The following NBPF9 variants were observed in gnomAD, a reference collection of about 807,000 sequenced individuals.
The protein encoded by NBPF9 is NBPF family member NBPF9.
In NBPF9, 91 loss-of-function variants were observed where a neutral mutation model predicts 97.8. That is an observed-to-expected ratio of 0.93 (90% CI 0.79 to 1.11). The LOEUF (loss-of-function observed/expected upper bound fraction) is 1.11, where lower values mean the gene tolerates loss of function less well. Ranked by LOEUF, NBPF9 falls within the 50% of genes least tolerant of loss-of-function variation. NBPF9 has a pLI of 0.00. For missense variants in NBPF9, 992 were observed against 939.5 expected, an observed-to-expected ratio of 1.06 and a Z score of -0.73; for synonymous variants, 334 against 359.5, an observed-to-expected ratio of 0.93 and a Z score of 0.80.
At chr1:149,093,141 G>C (rs879055103) in intron 4 of NBPF9, among the ~76,000 whole-genome samples, 2 of 151,818 alleles carry the variant, frequency 1.3e-5, no homozygotes, top group African/African-American at 4.8e-5. Flanking sequence ...GTAAACACGT[G>C]AACAAATGTC....
At chr1:149,072,919 G>C (rs1553653314) in exon 14 of NBPF9, 1 of 1,607,070 alleles carries the variant, frequency 6.2e-7, no homozygotes, top group Admixed American at 1.7e-5. Flanking sequence ...GCGTGAACCA[G>C]GACTTTATAT....
chr1:149,097,915 C>A (rs3896150), intron 4 of NBPF9, among the ~76,000 whole-genome samples: 11 of 152,088 alleles, frequency 7.2e-5, no homozygotes, highest in Non-Finnish European at 1.6e-4. Flanking sequence ...CTCTTTTAAC[C>A]CATTATACTG....
chr1:149,068,250 C>T lies in NBPF9; in HGVS notation c.1637+1344G>A, dbSNP rs587596802. On this transcript the variant is annotated intron_variant, in intron 17 of 29. Coordinates refer to ENST00000584027, the Ensembl canonical transcript of NBPF9. ...GTGAAATAACCAGCTAACATCATAACGACAGGATCAAATTCACACATAACA... is the reference window on the plus strand; with the variant it reads ...GTGAAATAACCAGCTAACATCATAATGACAGGATCAAATTCACACATAACA... 6.3e-4 allele frequency among the ~76,000 whole-genome samples: 94 copies of T among 149,352 alleles called. 1 individual carries two copies. Among genetic ancestry groups the T allele is most frequent in the African/African-American group, 2.1e-3 (83 of 40,060 alleles).
intron 11 of NBPF9, among the ~76,000 whole-genome samples, chr1:149,076,869 T>A (rs1272023898): frequency 6.6e-6 from 1 of 151,438 alleles, no homozygotes; most frequent in Admixed American, 6.6e-5. Flanking sequence ...CTGACAGAAG[T>A]GAATGAGGGT....
At chr1:149,055,678 A>G in exon 30 of NBPF9, 4 of 1,611,962 alleles carry the variant, frequency 2.5e-6, no homozygotes, top group Non-Finnish European at 3.4e-6. Context: ...TATGACTTCC[A>G]TCTGGAACAC....
At chr1:149,072,960 A>G in intron 13 of NBPF9, 28 bp from the exon 14 acceptor site, 1 of 1,602,300 alleles carries the variant, frequency 6.2e-7, no homozygotes, top group South Asian at 1.1e-5. Flanking sequence ...AGAAAAATTA[A>G]GAGTGGAAAG....
chr1:149,084,592 C>T lies in NBPF9; in HGVS notation c.-194-2162G>A, dbSNP rs587610326. On this transcript the variant is annotated intron_variant, in intron 5 of 29. Transcript: ENST00000584027. ...GCGACCAGAGGAGCCCCTGCAGCAA[C>T]GCAACGGCCAGGTGGACACCTCCAT... Among the ~76,000 whole-genome samples, 10 of 150,908 alleles carry T rather than the reference C, an allele frequency of 6.6e-5. No individual in the cohort carries two copies. The South Asian group carries it at 1.1e-3, about 16-fold the overall frequency.
chr1:149,073,808 C>G, exon 13 of NBPF9: 23 of 1,559,560 alleles, frequency 1.5e-5, no homozygotes, highest in Non-Finnish European at 1.9e-5. Context: ...GCAAGCTTCT[C>G]CTCCTTGAAC....
Position 149,072,892 on chromosome 1 carries a change from T to C in NBPF9, c.1132A>G (p.Thr378Ala), listed in dbSNP as rs781949752. The C allele has an allele frequency of 1.9e-6, 3 of 1,607,024 alleles. No individual in the cohort carries two copies. The East Asian group carries it at 6.7e-5, about 36-fold the overall frequency. The change falls in exon 14 of 30, where the codon ACC becomes GCC. Residue 378 changes from threonine to alanine, a missense_variant. Thr to Ala is a moderately conservative substitution (Grantham distance 58). Transcript: ENST00000584027. ...TCCCGCAACTTCTCCCTTAACTGGG[T>C]CAGCTCTCGTTCCTGAGCGTGAACC...
chr1:149,063,701 C>G (rs1452794227), exon 20 of NBPF9: 1 of 607,928 alleles, frequency 1.6e-6, no homozygotes, highest in Non-Finnish European at 2.9e-6. Flanking sequence ...GTAGGGCTGG[C>G]ATGAGTCAGT....
chr1:149,089,871 T>A (rs2081302555), intron 5 of NBPF9, among the ~76,000 whole-genome samples: 1 of 152,238 alleles, frequency 6.6e-6, no homozygotes, highest in African/African-American at 2.4e-5. Context: ...ACTGCCAGGC[T>A]GAGGGAAGGT....
chr1:149,076,256 G>A (rs2079860081), intron 11 of NBPF9, among the ~76,000 whole-genome samples: 1 of 151,262 alleles, frequency 6.6e-6, no homozygotes, highest in African/African-American at 2.4e-5. Flanking sequence ...GAAGTGCAGA[G>A]GCACAATCTC....
intron 18 of NBPF9, chr1:149,065,185 A>AAAT (rs2078955439): frequency 1.6e-6 from 1 of 631,018 alleles, no homozygotes; most frequent in African/African-American, 1.8e-5. Flanking sequence ...AGCTGGCAAG[A>AAAT]GACATTTAAT....
chr1:149,062,807 C>G (rs2078718199), intron 21 of NBPF9, 55 bp downstream of exon 21: 3 of 741,648 alleles, frequency 4.0e-6, no homozygotes, highest in Admixed American at 1.8e-5. Flanking sequence ...TTCCCTGGAC[C>G]TGGCATCTCC....
At chr1:149,063,887 A>C in intron 19 of NBPF9, 82 bp from the exon 20 acceptor site, 1 of 680,592 alleles carries the variant, frequency 1.5e-6, no homozygotes, top group Non-Finnish European at 2.7e-6. Flanking sequence ...TGGCTAACAT[A>C]AGGAAGAGTT....
chr1:149,055,346 T>A, exon 30 of NBPF9: 2 of 565,620 alleles, frequency 3.5e-6, no homozygotes, highest in Non-Finnish European at 3.0e-6. Context: ...CTCAGAGACA[T>A]GTCTGCAAAA....
intron 9 of NBPF9, 104 bp downstream of exon 9, chr1:149,078,903 C>A (rs3979884): frequency 5.0e-6 from 8 of 1,588,998 alleles, no homozygotes; most frequent in Non-Finnish European, 6.9e-6. Flanking sequence ...ATATGTGTAG[C>A]AGAAAAAAAC....
Position 149,062,981 on chromosome 1 carries a change from C to G in NBPF9, c.2027-68G>C. The stretch of plus-strand genomic sequence containing the variant: ...TCCTACACACATAACAATCCACTGT[C>G]TAATCCTCACACAGGGACTTCAGGC... On this transcript the variant is annotated intron_variant, in intron 20 of 29. Coordinates refer to ENST00000584027, the Ensembl canonical transcript of NBPF9. 4 of 722,304 alleles carry G rather than the reference C, an allele frequency of 5.5e-6. No individual in the cohort carries two copies. In the Admixed American group the frequency reaches 5.7e-5, roughly 10 times the overall value. The allele number at this position is 722,304 out of a possible 1,614,324, so 44.7% of individuals were successfully genotyped here.
intron 16 of NBPF9, among the ~76,000 whole-genome samples, chr1:149,070,538 T>C (rs2079320786): frequency 6.6e-6 from 1 of 150,442 alleles, no homozygotes; most frequent in Admixed American, 6.6e-5. Context: ...CAGTGAAGCC[T>C]GGGGAACGAT....
Sources: allele counts gnomAD v4.1 joint callset (sites outside exome capture counted in the v4.1 genomes callset), GRCh38; gene constraint gnomAD v4.1.1; transcripts MANE v1.5; gene names NCBI Gene and HGNC (gene_info 2026-07-23, HGNC 2026-07-21).